Variants in NDUFA3 observed in about 807,000 individuals in gnomAD.
NDUFA3 encodes NADH:ubiquinone oxidoreductase subunit A3, also known as NADH dehydrogenase [ubiquinone] 1 alpha subcomplex subunit 3.
NDUFA3 carries 10 observed loss-of-function variants against 11.4 expected under a neutral mutation model. That is an observed-to-expected ratio of 0.87 (90% CI 0.54 to 1.48). The LOEUF (loss-of-function observed/expected upper bound fraction) is 1.48, where lower values mean the gene tolerates loss of function less well. Among genes scored for constraint, NDUFA3 ranks in the 40% most tolerant of loss-of-function variants. The pLI, the probability that NDUFA3 is intolerant of heterozygous loss-of-function variation, is 0.00. For synonymous variants in NDUFA3, 39 were observed against 46.9 expected, an observed-to-expected ratio of 0.83 and a Z score of 0.68; for missense variants, 115 against 110.5, an observed-to-expected ratio of 1.04 and a Z score of -0.18.
At chr19:54,103,259 C>T in intron 2 of NDUFA3, 71 bp downstream of exon 2, 8 of 1,451,066 alleles carry the variant, frequency 5.5e-6, no homozygotes, top group South Asian at 1.4e-5. Flanking sequence ...ATCTTGTACC[C>T]CTAAAGCCCT....
Position 54,107,083 on chromosome 19 carries a change from G to A in NDUFA3, c.*181G>A, listed in dbSNP as rs1474792835. 1 of 1,613,800 alleles carries A rather than the reference G, an allele frequency of 6.2e-7. No individual in the cohort carries two copies. The highest frequency in any genetic ancestry group is 1.3e-5 in the African/African-American group (1 of 74,852). On this transcript the variant is annotated 3_prime_UTR_variant, in exon 4 of 4. Coordinates refer to ENST00000485876, the MANE Select transcript of NDUFA3 (RefSeq NM_004542.4). ...AGGCTGGGCTGGCCAGGGTCGGGTA[G>A]GGCAGCAGTTTGTCTGGACCCCGAG...
chr19:54,103,145 C>G lies in NDUFA3; in HGVS notation c.42C>G (p.Asp14Glu). Residue 14 changes from aspartate to glutamate, a missense_variant, in exon 2 of 4, where the codon GAC becomes GAG. By Grantham distance (45) the Asp-to-Glu change is conservative (BLOSUM62 2). Transcript: ENST00000485876. ...RVGAFLKNAW[D>E]KEPVLVVSFV... The stretch of plus-strand genomic sequence containing the variant: ...GCGCCTTCCTCAAGAATGCCTGGGA[C>G]AAGGAGCCAGTGCTGGTCGTGTCCT... The G allele has an allele frequency of 6.2e-7, 1 of 1,611,146 alleles. No individual in the cohort carries two copies. Among genetic ancestry groups the G allele is most frequent in the Admixed American group, 1.7e-5 (1 of 59,662 alleles).
chr19:54,103,025 G>C lies in NDUFA3; in HGVS notation c.11-89G>C, dbSNP rs951278446. ...GAGGGGAACGCAGAAGTCACGAGGG[G>C]GCTCCTCCAGGGCAGGGGTGGCACG... On this transcript the variant is annotated intron_variant, in intron 1 of 3. Transcript: ENST00000485876. The C allele has an allele frequency of 1.1e-5, 17 of 1,537,054 alleles. No homozygotes were observed. The African/African-American group carries it at 2.0e-4, about 18-fold the overall frequency.
At position 54,106,067 on chromosome 19, in the gene NDUFA3, G is replaced by A. The variant is rs184064268; in HGVS notation, c.163+56G>A. 1.2e-3 allele frequency: 1,743 copies of A among 1,511,578 alleles called. 4 individuals carry two copies. The highest frequency in any genetic ancestry group is 1.5e-3 in the Non-Finnish European group (1,672 of 1,087,352). The allele number at this position is 1,511,578 out of a possible 1,614,324, so 93.6% of individuals were successfully genotyped here. ...ATAGGCCCAGCCTCCCTGTGCTGGCGTAAGGGCAGTTATGGGCAGGTCTTT... is the reference window on the plus strand; with the variant it reads ...ATAGGCCCAGCCTCCCTGTGCTGGCATAAGGGCAGTTATGGGCAGGTCTTT... On this transcript the variant is annotated intron_variant, in intron 3 of 3. Coordinates refer to ENST00000485876, the MANE Select transcript of NDUFA3 (RefSeq NM_004542.4).
Position 54,102,884 on chromosome 19 carries a change from T to C in NDUFA3, c.6T>C (p.Ala2=). The C allele has an allele frequency of 1.9e-6, 3 of 1,610,280 alleles. No individual in the cohort carries two copies. The highest frequency in any genetic ancestry group is 2.5e-6 in the Non-Finnish European group (3 of 1,177,944). The change falls in exon 1 of 4, where the codon GCT becomes GCC. Residue 2 remains alanine (A), a synonymous_variant. Coordinates refer to ENST00000485876, the MANE Select transcript of NDUFA3 (RefSeq NM_004542.4). M[A]ARVGAFLKNA... is the part of the protein sequence containing the mutation. ...TCGCCGCCGCGGAGACAAAGATGGC[T>C]GCGAGTAAGTGCAGGTGCCGGTGGC... is the stretch of plus-strand genomic sequence containing the variant.
Position 54,103,155 on chromosome 19 carries a change from G to A in NDUFA3, c.52G>A (p.Val18Met). ...FLKNAWDKEP[V>M]LVVSFVVGGL... is the part of the protein sequence containing the mutation. ...CAAGAATGCCTGGGACAAGGAGCCAGTGCTGGTCGTGTCCTTCGTCGTCGG... is the reference window on the plus strand; with the variant it reads ...CAAGAATGCCTGGGACAAGGAGCCAATGCTGGTCGTGTCCTTCGTCGTCGG... Residue 18 changes from valine (V) to methionine (M), a missense_variant, in exon 2 of 4, where the codon GTG (valine) becomes ATG (methionine). By Grantham distance (21) the Val-to-Met change is conservative (BLOSUM62 1). Transcript: ENST00000485876. 1 of 1,606,436 alleles carries A rather than the reference G, an allele frequency of 6.2e-7. No homozygotes were observed. Among genetic ancestry groups the A allele is most frequent in the Non-Finnish European group, 8.5e-7 (1 of 1,174,822 alleles).
intron 2 of NDUFA3, 33 bp downstream of exon 2, chr19:54,103,221 G>A: frequency 6.4e-7 from 1 of 1,556,264 alleles, no homozygotes; most frequent in Non-Finnish European, 8.7e-7. Flanking sequence ...AACTTGCATC[G>A]TCCACCCCCG....
At chr19:54,104,698 A>G (rs1487051296) in intron 2 of NDUFA3, among the ~76,000 whole-genome samples, 1 of 151,892 alleles carries the variant, frequency 6.6e-6, no homozygotes, top group Non-Finnish European at 1.5e-5. Flanking sequence ...TGTTGATTAC[A>G]TGGCGAAGTG....
At chr19:54,105,693 C>A in intron 2 of NDUFA3, 1 of 691,740 alleles carries the variant, frequency 1.4e-6, no homozygotes. Context: ...TCCTCCAGGC[C>A]CCACGTATCT....
At position 54,103,276 on chromosome 19, in the gene NDUFA3, G is replaced by C; in HGVS notation, c.85+88G>C. On this transcript the variant is annotated intron_variant, in intron 2 of 3. Coordinates refer to ENST00000485876, the MANE Select transcript of NDUFA3 (RefSeq NM_004542.4). ...CTTGTACCCCTAAAGCCCTATCGCC[G>C]CCCTCGGGTCCCCTCTAGTGTGTCT... is the stretch of plus-strand genomic sequence containing the variant. 2.2e-6 allele frequency: 3 copies of C among 1,353,248 alleles called. No homozygotes were observed. The South Asian group carries it at 4.4e-5, about 20-fold the overall frequency. 83.8% of individuals were successfully genotyped at this position (1,353,248 alleles called of 1,614,324 possible).
intron 2 of NDUFA3, among the ~76,000 whole-genome samples, chr19:54,105,263 G>GATTTTT (rs1201834834): frequency 4.4e-4 from 17 of 38,990 alleles, no homozygotes; most frequent in South Asian, 1.6e-3. Context: ...AGTTTGTAAG[G>GATTTTT]CTTTTTTTTT....
At position 54,103,132 on chromosome 19, in the gene NDUFA3, A is replaced by G. The variant is rs777072246; in HGVS notation, c.29A>G (p.Lys10Arg). Residue 10 changes from lysine to arginine, a missense_variant, in exon 2 of 4, where the codon AAG becomes AGG. By Grantham distance (26) the Lys-to-Arg change is conservative. Transcript: ENST00000485876. ...CCTTCAGGAGTCGGCGCCTTCCTCA[A>G]GAATGCCTGGGACAAGGAGCCAGTG... MAARVGAFL[K>R]NAWDKEPVLV... 3.7e-6 allele frequency: 6 copies of G among 1,612,178 alleles called. No individual in the cohort carries two copies. The South Asian group carries it at 5.5e-5, about 15-fold the overall frequency.
chr19:54,103,164 G>A lies in NDUFA3; in HGVS notation c.61G>A (p.Val21Met), dbSNP rs373312737. 6.2e-7 allele frequency: 1 copy of A among 1,602,192 alleles called. No homozygotes were observed. The highest frequency in any genetic ancestry group is 1.1e-5 in the South Asian group (1 of 90,356). The change falls in exon 2 of 4, where the codon GTG becomes ATG. Residue 21 changes from valine (V) to methionine (M), a missense_variant. Coordinates refer to ENST00000485876, the MANE Select transcript of NDUFA3 (RefSeq NM_004542.4). ...CTGGGACAAGGAGCCAGTGCTGGTC[G>A]TGTCCTTCGTCGTCGGGGGCCTCGG... ...NAWDKEPVLVVSFVVGGLAVI... is the reference protein window; with the variant it reads ...NAWDKEPVLVMSFVVGGLAVI...
At position 54,106,984 on chromosome 19, in the gene NDUFA3, T is replaced by C; in HGVS notation, c.*82T>C. On this transcript the variant is annotated 3_prime_UTR_variant, in exon 4 of 4. Transcript: ENST00000485876. ...CAACCCCCGAACGTGAGCATGTGTG[T>C]GATCAGAGGTGGGAACAAGTAGACG... 1 of 1,602,054 alleles carries C rather than the reference T, an allele frequency of 6.2e-7. No individual in the cohort carries two copies. The highest frequency in any genetic ancestry group is 2.2e-5 in the East Asian group (1 of 44,596).
rs1316415018 is a variant in NDUFA3, at chr19:54,105,264, C to CCTTTTTTTTTTTTTTTTT, written c.86-670_86-669insCTTTTTTTTTTTTTTTTT. ...ACCCTTTCTCCTCCAGTTTGTAAGG[C>CCTTTTTTTTTTTTTTTTT]TTTTTTTTTTTTTTTTTTTTTGGTG... On this transcript the variant is annotated intron_variant, in intron 2 of 3. Transcript: ENST00000485876. Among the ~76,000 whole-genome samples, 32 of 71,262 alleles carry CCTTTTTTTTTTTTTTTTT rather than the reference C, an allele frequency of 4.5e-4. 2 individuals are homozygous for CCTTTTTTTTTTTTTTTTT. Among genetic ancestry groups the CCTTTTTTTTTTTTTTTTT allele is most frequent in the Admixed American group, 6.0e-4 (3 of 4,972 alleles). 46.8% of individuals were successfully genotyped at this position (71,262 alleles called of 152,430 possible).
At chr19:54,102,970 G>T in intron 1 of NDUFA3, 82 bp downstream of exon 1, 2 of 1,568,534 alleles carry the variant, frequency 1.3e-6, no homozygotes, top group Non-Finnish European at 1.7e-6. Context: ...GTGCGGCAGG[G>T]CAGGGGTGGA....
intron 1 of NDUFA3, 91 bp from the exon 2 acceptor site, chr19:54,103,023 G>A: frequency 1.3e-6 from 2 of 1,538,428 alleles, no homozygotes; most frequent in Non-Finnish European, 8.9e-7. Context: ...AAGTCACGAG[G>A]GGGCTCCTCC....
intron 3 of NDUFA3, 138 bp from the exon 4 acceptor site, chr19:54,106,673 G>C: frequency 1.6e-6 from 1 of 615,652 alleles, no homozygotes; most frequent in South Asian, 2.4e-5. Flanking sequence ...GCCTCTTTCT[G>C]CATCACTGAT....
In NDUFA3 at chr19:54,103,404, C is replaced by G. The variant is rs587613334; in HGVS notation, c.85+216C>G. On this transcript the variant is annotated intron_variant, in intron 2 of 3. Coordinates refer to ENST00000485876, the MANE Select transcript of NDUFA3 (RefSeq NM_004542.4). The stretch of plus-strand genomic sequence containing the variant: ...CCTACCCAATACGCTCTTAACCCCT[C>G]TAAATGAGACGTTCTCAACCCTGCT... Among the ~76,000 whole-genome samples, 14 of 152,264 alleles carry G rather than the reference C, an allele frequency of 9.2e-5. 1 individual carries two copies. In the South Asian group the frequency reaches 1.9e-3, roughly 20 times the overall value.
Sources: gnomAD v4.1 joint callset for allele counts (sites outside exome capture counted in the v4.1 genomes callset) on GRCh38, gnomAD v4.1.1 for gene constraint, MANE v1.5 for transcripts, NCBI Gene and HGNC (gene_info 2026-07-23, HGNC 2026-07-21) for gene names.